ZMYND10: variants seen among roughly 807,000 people sequenced by gnomAD.
The protein encoded by ZMYND10 is zinc finger MYND-type containing 10, also known as zinc finger MYND domain-containing protein 10.
ZMYND10 carries 52 observed loss-of-function variants against 62.6 expected under a neutral mutation model. The observed-to-expected ratio is 0.83, with a 90% confidence interval of 0.67 to 1.05. ZMYND10 has a LOEUF of 1.05. ZMYND10 is among the 50% of genes least tolerant of loss of function. The pLI is 0.00. For missense variants in ZMYND10, 438 were observed against 543.3 expected (o/e 0.81, Z 1.93); for synonymous variants, 197 against 218.5 (o/e 0.90, Z 0.87).
At position 50,342,703 on chromosome 3, in the gene ZMYND10, C is replaced by T. The variant is rs1703424864; in HGVS notation, c.701-134G>A. The stretch of plus-strand genomic sequence containing the variant: ...TGCAGGACTTGCCCAGGCTATAGGG[C>T]TGCTGACCCCAGAGCAGGGTGAGCC... On this transcript the variant is annotated intron_variant, in intron 7 of 11. Transcript: ENST00000231749. 4 of 1,474,172 alleles carry T rather than the reference C, an allele frequency of 2.7e-6. No homozygotes were observed. In the East Asian group the frequency reaches 9.9e-5, roughly 36 times the overall value. 91.3% of individuals were successfully genotyped at this position (1,474,172 alleles called of 1,614,324 possible). A position where few individuals can be genotyped will look rare whatever the true frequency, so the allele number is the denominator to read the frequency against.
Position 50,343,302 on chromosome 3 carries a change from C to T in ZMYND10, c.510+5G>A. On this transcript the variant is annotated splice_donor_5th_base_variant and intron_variant, in intron 5 of 11. Coordinates refer to ENST00000231749, the MANE Select transcript of ZMYND10 (RefSeq NM_015896.4). ...CTTTCACAACCCTAGGTAACCTCAA[C>T]CCACCTGCATGGGGTTGCTGTCCTG... 6.2e-7 allele frequency: 1 copy of T among 1,612,192 alleles called. No homozygotes were observed. Among genetic ancestry groups the T allele is most frequent in the Non-Finnish European group, 8.5e-7 (1 of 1,178,980 alleles).
rs990796568 is a variant in ZMYND10 at position 50,342,477 on chromosome 3, C to T, written c.793G>A (p.Ala265Thr). The part of the protein sequence containing the change: ...LSKLDGQVWI[A>T]LYNLLLSPEA... Reference sequence around the variant, plus strand: ...GGGCTTAGCAGCAGGTTGTACAGGGCGATCCACACTTGCCCGTCCAACTTG... The same window carrying T: ...GGGCTTAGCAGCAGGTTGTACAGGGTGATCCACACTTGCCCGTCCAACTTG... Residue 265 changes from alanine (A) to threonine (T), a missense_variant, in exon 8 of 12, where the codon GCC (alanine) becomes ACC (threonine). Transcript: ENST00000231749. 3.7e-6 allele frequency: 6 copies of T among 1,612,870 alleles called. No homozygotes were observed. Among genetic ancestry groups the T allele is most frequent in the Non-Finnish European group, 5.1e-6 (6 of 1,179,600 alleles).
chr3:50,342,227 T>C, intron 8 of ZMYND10, 87 bp from the exon 9 acceptor site: 1 of 1,583,686 alleles, frequency 6.3e-7, no homozygotes, highest in Non-Finnish European at 8.6e-7. Context: ...GGGCTGAGAA[T>C]GCCTGTGGGG....
intron 2 of ZMYND10, 174 bp downstream of exon 2, chr3:50,344,950 G>A: frequency 1.6e-6 from 1 of 606,558 alleles, no homozygotes; most frequent in Non-Finnish European, 2.9e-6. Context: ...AGCCTGGTGT[G>A]CCAGAGTCCT....
At position 50,343,220 on chromosome 3, in the gene ZMYND10, C is replaced by A; in HGVS notation, c.511-14G>T. The A allele has an allele frequency of 6.2e-7, 1 of 1,614,168 alleles. No individual in the cohort carries two copies. Among genetic ancestry groups the A allele is most frequent in the Non-Finnish European group, 8.5e-7 (1 of 1,180,008 alleles). ...CTTCTGCAGCTCCTGGGAGGTCACA[C>A]AGTGTTCACGCTGGGCCACCCTCAC... On this transcript the variant is annotated splice_polypyrimidine_tract_variant and intron_variant, in intron 5 of 11. Coordinates refer to ENST00000231749, the MANE Select transcript of ZMYND10 (RefSeq NM_015896.4).
chr3:50,345,526 A>G lies in ZMYND10; in HGVS notation c.54T>C (p.Gly18=). ...TCTCGCGTAGCGGGAAGCTGCGCAG[A>G]CCCCGCACCAGCACTTCAGCTTCCC... ...LPGEAEVLVR[G]LRSFPLREMG... The change falls in exon 1 of 12, where the codon GGT becomes GGC. Residue 18 remains glycine (G), a synonymous_variant. Transcript: ENST00000231749. The surrounding 1 kb of genome is among the most constrained non-coding windows in gnomAD (Gnocchi z 5.0). 6.2e-7 allele frequency: 1 copy of G among 1,609,484 alleles called. No individual in the cohort carries two copies. Among genetic ancestry groups the G allele is most frequent in the Non-Finnish European group, 8.5e-7 (1 of 1,178,550 alleles).
At position 50,342,027 on chromosome 3, in the gene ZMYND10, C is replaced by T; in HGVS notation, c.987G>A (p.Leu329=). The change falls in exon 9 of 12, where the codon CTG becomes CTA. Residue 329 remains leucine (L), a synonymous_variant. Coordinates refer to ENST00000231749, the MANE Select transcript of ZMYND10 (RefSeq NM_015896.4). ...LTETQPPKKD[L]VLEQIPEIWE... ...TTCCAGTGCCTACCTGTTCCAACAC[C>T]AGGTCCTTCTTAGGAGGCTGGGTTT... The T allele has an allele frequency of 6.2e-7, 1 of 1,614,198 alleles. No homozygotes were observed. Among genetic ancestry groups the T allele is most frequent in the South Asian group, 1.1e-5 (1 of 91,082 alleles).
At position 50,342,500 on chromosome 3, in the gene ZMYND10, T is replaced by G. The variant is rs1703413401; in HGVS notation, c.770A>C (p.Lys257Thr). ...GGCGATCCACACTTGCCCGTCCAAC[T>G]TGCTCAGCTTTTGCTGCTCTGAGGG... ...VAPSEQQKLS[K>T]LDGQVWIALY... is the part of the protein sequence containing the mutation. The change falls in exon 8 of 12, where the codon AAG (lysine) becomes ACG (threonine). Residue 257 changes from lysine to threonine, a missense_variant. By Grantham distance (78) the Lys-to-Thr change is moderately conservative. Coordinates refer to ENST00000231749, the MANE Select transcript of ZMYND10 (RefSeq NM_015896.4). 2.5e-6 allele frequency: 4 copies of G among 1,614,016 alleles called. No individual in the cohort carries two copies. Among genetic ancestry groups the G allele is most frequent in the African/African-American group, 1.3e-5 (1 of 74,922 alleles).
At position 50,345,410 on chromosome 3, in the gene ZMYND10, C is replaced by A; in HGVS notation, c.92+78G>T. 6.5e-7 allele frequency: 1 copy of A among 1,538,330 alleles called. No individual in the cohort carries two copies. Among genetic ancestry groups the A allele is most frequent in the Non-Finnish European group, 8.8e-7 (1 of 1,137,954 alleles). On this transcript the variant is annotated intron_variant, in intron 1 of 11. Transcript: ENST00000231749. This position sits in a 1 kb window ranked among gnomAD's most constrained non-coding sequence, Gnocchi z 5.0. ...TTGGGAGCCCCTCCACACTGGGCAGCCCCTCCCCCGAGTCAGGCCCCAGCT... is the reference window on the plus strand; with the variant it reads ...TTGGGAGCCCCTCCACACTGGGCAGACCCTCCCCCGAGTCAGGCCCCAGCT...
In ZMYND10 at chr3:50,341,155, A is replaced by T. The variant is rs1467217656; in HGVS notation, c.*255T>A. ...ACTGTGCTAGAGGAAGAGGGTCCCC[A>T]CATCCGGCCCTGGCCCTCCTGGTCC... On this transcript the variant is annotated 3_prime_UTR_variant, in exon 12 of 12. Coordinates refer to ENST00000231749, the MANE Select transcript of ZMYND10 (RefSeq NM_015896.4). 6 of 611,248 alleles carry T rather than the reference A, an allele frequency of 9.8e-6. No homozygotes were observed. Among genetic ancestry groups the T allele is most frequent in the Non-Finnish European group, 1.7e-5 (6 of 348,748 alleles). 37.9% of individuals were successfully genotyped at this position (611,248 alleles called of 1,614,324 possible).
Position 50,342,385 on chromosome 3 carries a change from A to AG in ZMYND10, c.873+11dup. Reference sequence around the variant, plus strand: ...ACTGGGGCTGTGGGGGCTGGTGCGGAGGGAGTCTGACCTTGAGTAGCCGTC... The same window carrying AG: ...ACTGGGGCTGTGGGGGCTGGTGCGGAGGGGAGTCTGACCTTGAGTAGCCGTC... On this transcript the variant is annotated intron_variant, in intron 8 of 11. Transcript: ENST00000231749. The AG allele has an allele frequency of 6.4e-7, 1 of 1,564,040 alleles. No individual in the cohort carries two copies. Among genetic ancestry groups the AG allele is most frequent in the Non-Finnish European group, 8.7e-7 (1 of 1,153,872 alleles).
chr3:50,342,328 G>C, intron 8 of ZMYND10, 69 bp downstream of exon 8: 2 of 1,554,264 alleles, frequency 1.3e-6, no homozygotes, highest in Non-Finnish European at 1.7e-6. Context: ...TAAACAGCAG[G>C]GACGCAGTCG....
intron 8 of ZMYND10, 30 bp downstream of exon 8, chr3:50,342,367 C>T (rs1417415267): frequency 6.4e-7 from 1 of 1,557,542 alleles, no homozygotes; most frequent in Non-Finnish European, 8.7e-7. Context: ...GGTACTGGGG[C>T]TGTGGGGGCT....
In ZMYND10 at chr3:50,345,301, T is replaced by C; in HGVS notation, c.93-69A>G. The C allele has an allele frequency of 1.3e-6, 2 of 1,552,516 alleles. No homozygotes were observed. The highest frequency in any genetic ancestry group is 8.8e-7 in the Non-Finnish European group (1 of 1,139,164). On this transcript the variant is annotated intron_variant, in intron 1 of 11. Coordinates refer to ENST00000231749, the MANE Select transcript of ZMYND10 (RefSeq NM_015896.4). The surrounding 1 kb of genome is among the most constrained non-coding windows in gnomAD (Gnocchi z 5.0). ...AGGAGTGGGGATGGGGGCTGGATCC[T>C]ACTGAAGCCTAACCTGATCCTGAGG...
In ZMYND10 at chr3:50,341,353, G is replaced by T; in HGVS notation, c.*57C>A. Reference sequence around the variant, plus strand: ...TGGACCGTGATCTTGAGGTTCAGGGGTGCATTCTGGGTGGATTCCCTTGGC... The same window carrying T: ...TGGACCGTGATCTTGAGGTTCAGGGTTGCATTCTGGGTGGATTCCCTTGGC... On this transcript the variant is annotated 3_prime_UTR_variant, in exon 12 of 12. Coordinates refer to ENST00000231749, the MANE Select transcript of ZMYND10 (RefSeq NM_015896.4). 6.3e-7 allele frequency: 1 copy of T among 1,597,964 alleles called. No individual in the cohort carries two copies. The highest frequency in any genetic ancestry group is 8.6e-7 in the Non-Finnish European group (1 of 1,168,908).
intron 7 of ZMYND10, 55 bp from the exon 8 acceptor site, chr3:50,342,624 C>T (rs765132269): frequency 1.3e-6 from 2 of 1,568,388 alleles, no homozygotes; most frequent in Non-Finnish European, 1.7e-6. Flanking sequence ...TTCAAGTGAG[C>T]CAGCTGTGGG....
In ZMYND10 at chr3:50,341,292, G is replaced by A; in HGVS notation, c.*118C>T. On this transcript the variant is annotated 3_prime_UTR_variant, in exon 12 of 12. Coordinates refer to ENST00000231749, the MANE Select transcript of ZMYND10 (RefSeq NM_015896.4). ...GGTCAGCAGCTTTACCGCCCGCTCTGCTCTCCACTGCGGAGACTGGGGCTC... is the reference window on the plus strand; with the variant it reads ...GGTCAGCAGCTTTACCGCCCGCTCTACTCTCCACTGCGGAGACTGGGGCTC... The A allele has an allele frequency of 7.8e-7, 1 of 1,275,066 alleles. No homozygotes were observed. Among genetic ancestry groups the A allele is most frequent in the East Asian group, 2.4e-5 (1 of 41,662 alleles). The allele number at this position is 1,275,066 out of a possible 1,614,324, so 79.0% of individuals were successfully genotyped here. A position where few individuals can be genotyped will look rare whatever the true frequency, so the allele number is the denominator to read the frequency against.
At chr3:50,343,912 C>A in intron 2 of ZMYND10, 62 bp from the exon 3 acceptor site, 2 of 1,487,412 alleles carry the variant, frequency 1.3e-6, no homozygotes, top group South Asian at 2.3e-5. Context: ...GCAACCCTCC[C>A]ATCCCCGGCT....
chr3:50,345,050 A>C lies in ZMYND10; in HGVS notation c.201+74T>G, dbSNP rs1703501538. 1 of 1,305,456 alleles carries C rather than the reference A, an allele frequency of 7.7e-7. No individual in the cohort carries two copies. 80.9% of individuals were successfully genotyped at this position (1,305,456 alleles called of 1,614,324 possible). On this transcript the variant is annotated intron_variant, in intron 2 of 11. Transcript: ENST00000231749. The surrounding 1 kb of genome is among the most constrained non-coding windows in gnomAD (Gnocchi z 5.0). ...GTACCAGGCCAGAGGGGAAGGGCAC[A>C]CAGGGGACTCCGGAGGGGTAGAGTA...
Sources: allele counts gnomAD v4.1 joint callset, GRCh38; gene constraint gnomAD v4.1.1; non-coding constraint Gnocchi (gnomAD v3.1); transcripts MANE v1.5; gene names NCBI Gene and HGNC (gene_info 2026-07-23, HGNC 2026-07-21).